The following PTPRN2 variants were observed in gnomAD, a reference collection of about 807,000 sequenced individuals.
The protein encoded by PTPRN2 is protein tyrosine phosphatase receptor type N2.
PTPRN2 carries 74 observed loss-of-function variants against 118.8 expected under a neutral mutation model. The observed-to-expected ratio is 0.62, with a 90% CI of 0.52 to 0.76. PTPRN2 has a LOEUF of 0.76. Among genes scored for constraint, PTPRN2 ranks in the 30% least tolerant of loss-of-function variants. The pLI, the probability that PTPRN2 is intolerant of heterozygous loss-of-function variation, is 0.00. For missense variants in PTPRN2, 1,481 were observed against 1,394.4 expected, an observed-to-expected ratio of 1.06 and a Z score of -0.99; for synonymous variants, 641 against 608.0, an observed-to-expected ratio of 1.05 and a Z score of -0.80.
At chr7:157,792,920 C>T (rs1258200659) in intron 12 of PTPRN2, among the ~76,000 whole-genome samples, 11 of 152,200 alleles carry the variant, frequency 7.2e-5, no homozygotes, top group African/African-American at 2.4e-4. Context: ...CTCCCAGGGC[C>T]GCGGGTGCCG....
Position 158,505,149 on chromosome 7 carries a change from C to T in PTPRN2, c.113-15364G>A, listed in dbSNP as rs181851205. Among the ~76,000 whole-genome samples the T allele has an allele frequency of 3.0e-4, 45 of 152,306 alleles. 1 individual carries two copies. The highest frequency in any genetic ancestry group is 2.0e-4 in the Admixed American group (3 of 15,294). On this transcript the variant is annotated intron_variant, in intron 1 of 22. Transcript: ENST00000389418. ...CATCGCATCATAAATCACTCAGGGA[C>T]CTGCCTCTTTTTTCCCACTATATCA...
intron 22 of PTPRN2, among the ~76,000 whole-genome samples, chr7:157,541,413 C>A (rs1048786950): frequency 6.6e-6 from 1 of 152,260 alleles, no homozygotes; most frequent in African/African-American, 2.4e-5. Flanking sequence ...AGGGGCACCC[C>A]TCCCTCCACG....
intron 2 of PTPRN2, among the ~76,000 whole-genome samples, chr7:158,342,342 C>G (rs1300379502): frequency 6.9e-6 from 1 of 144,500 alleles, no homozygotes; most frequent in African/African-American, 2.7e-5. Flanking sequence ...GAGCTGACAC[C>G]TGCAGACGTC....
At chr7:158,250,462 A>AT (rs1315318956) in intron 3 of PTPRN2, among the ~76,000 whole-genome samples, 2 of 152,132 alleles carry the variant, frequency 1.3e-5, no homozygotes, top group Non-Finnish European at 2.9e-5. Flanking sequence ...CCCCATCCTC[A>AT]TCCCCTCTCC....
At chr7:158,289,013 T>C (rs762329649) in intron 3 of PTPRN2, among the ~76,000 whole-genome samples, 12 of 152,176 alleles carry the variant, frequency 7.9e-5, no homozygotes, top group Non-Finnish European at 1.8e-4. Flanking sequence ...CTCTTGCCTA[T>C]AGGGTTTCTG....
At chr7:158,069,059 C>T (rs920954475) in intron 11 of PTPRN2, among the ~76,000 whole-genome samples, 2 of 152,190 alleles carry the variant, frequency 1.3e-5, no homozygotes, top group Non-Finnish European at 2.9e-5. Flanking sequence ...TACGAATCAT[C>T]GCATCTCGTT....
intron 12 of PTPRN2, among the ~76,000 whole-genome samples, chr7:157,853,889 C>T (rs1410434573): frequency 6.6e-6 from 1 of 152,180 alleles, no homozygotes; most frequent in East Asian, 1.9e-4. Flanking sequence ...CCTAATCCAA[C>T]AAGACGGGGG....
At chr7:157,771,945 A>G (rs1222320157) in intron 12 of PTPRN2, among the ~76,000 whole-genome samples, 1 of 139,572 alleles carries the variant, frequency 7.2e-6, no homozygotes, top group African/African-American at 3.0e-5. Context: ...GACACATACA[A>G]AGACACACAT....
At position 158,330,008 on chromosome 7, in the gene PTPRN2, C is replaced by A. The variant is rs377563841; in HGVS notation, c.164-13076G>T. On this transcript the variant is annotated intron_variant, in intron 2 of 22. Transcript: ENST00000389418. Reference sequence around the variant, plus strand: ...AGCTCACGCCCGCAGACGACACTCACACCCACACTCTCACCATAAGAGGTG... The same window carrying A: ...AGCTCACGCCCGCAGACGACACTCAAACCCACACTCTCACCATAAGAGGTG... 2.6e-5 allele frequency among the ~76,000 whole-genome samples: 4 copies of A among 151,508 alleles called. 1 individual carries two copies. In the South Asian group the frequency reaches 6.3e-4, roughly 24 times the overall value.
At chr7:158,241,510 T>G (rs1047587177) in intron 3 of PTPRN2, among the ~76,000 whole-genome samples, 2 of 151,960 alleles carry the variant, frequency 1.3e-5, no homozygotes, top group African/African-American at 4.8e-5. Context: ...TAAGACTCTA[T>G]CTCAAAAAAA....
At chr7:158,293,904 T>C (rs1351473277) in intron 3 of PTPRN2, among the ~76,000 whole-genome samples, 2 of 152,220 alleles carry the variant, frequency 1.3e-5, no homozygotes, top group Non-Finnish European at 2.9e-5. Context: ...TCATCTCCTA[T>C]GAGAAGAATG....
At chr7:157,924,760 T>C (rs114996577) in intron 11 of PTPRN2, among the ~76,000 whole-genome samples, 1 of 152,278 alleles carries the variant, frequency 6.6e-6, no homozygotes, top group East Asian at 1.9e-4. Flanking sequence ...ATGACTGAGA[T>C]GCACAGTTCT....
chr7:157,596,343 T>A lies in PTPRN2; in HGVS notation c.2419-1028A>T, dbSNP rs1801340365. 6.6e-6 allele frequency among the ~76,000 whole-genome samples: 1 copy of A among 152,088 alleles called. No individual in the cohort carries two copies. Among genetic ancestry groups the A allele is most frequent in the Admixed American group, 6.5e-5 (1 of 15,284 alleles). On this transcript the variant is annotated intron_variant, in intron 16 of 22. Coordinates refer to ENST00000389418, the MANE Select transcript of PTPRN2 (RefSeq NM_002847.5). The surrounding 1 kb of genome is among the most constrained non-coding windows in gnomAD (Gnocchi z 4.2). ...GCTGGGAGTGGCCTCCTGTTCTGTT[T>A]CCCCACCAGGCAGGGACCAGAAACA... is the stretch of plus-strand genomic sequence containing the variant.
rs547693194 is a variant in PTPRN2 at position 157,657,226 on chromosome 7, CCA to C, written c.2002-677_2002-676del. On this transcript the variant is annotated intron_variant, in intron 13 of 22. Transcript: ENST00000389418. The stretch of plus-strand genomic sequence containing the variant: ...CATCACACATATACACACACATACG[CCA>C]CACACACACACCACACACATCACAC... Among the ~76,000 whole-genome samples, 66 of 97,850 alleles carry C rather than the reference CCA, an allele frequency of 6.7e-4. 2 individuals are homozygous for C. Among genetic ancestry groups the C allele is most frequent in the African/African-American group, 1.2e-3 (29 of 25,016 alleles). The allele number at this position is 97,850 out of a possible 152,430, so 64.2% of individuals were successfully genotyped here. A position where few individuals can be genotyped will look rare whatever the true frequency, so the allele number is the denominator to read the frequency against.
chr7:157,996,569 C>A (rs1294741831), intron 11 of PTPRN2, among the ~76,000 whole-genome samples: 1 of 152,244 alleles, frequency 6.6e-6, no homozygotes, highest in African/African-American at 2.4e-5. Context: ...GGGGCTCCCA[C>A]CACCCCGAGG....
At chr7:158,261,267 CT>C (rs1278426772) in intron 3 of PTPRN2, among the ~76,000 whole-genome samples, 1 of 152,110 alleles carries the variant, frequency 6.6e-6, no homozygotes, top group East Asian at 1.9e-4. Flanking sequence ...CGGGAAGAAG[CT>C]CCCGGAAAGA....
intron 3 of PTPRN2, among the ~76,000 whole-genome samples, chr7:158,222,151 G>A (rs111232532): frequency 0.12 from 18,000 of 152,196 alleles, 1,309 homozygotes; most frequent in Non-Finnish European, 0.16. Flanking sequence ...TTCAGCTGGT[G>A]TAGAAAGCAG....
intron 3 of PTPRN2, among the ~76,000 whole-genome samples, chr7:158,271,099 G>GGGCCT (rs1798482764): frequency 1.2e-5 from 1 of 84,168 alleles, no homozygotes. Context: ...CACCTGGGCT[G>GGGCCT]CCCCCTCCAC....
chr7:158,419,779 C>T (rs116812707), intron 2 of PTPRN2, among the ~76,000 whole-genome samples: 3,500 of 152,254 alleles, frequency 0.023, 115 homozygotes, highest in African/African-American at 0.079. Context: ...GAAGCTCACA[C>T]GTGATGTCTG....
Sources: gnomAD v4.1 joint callset for allele counts (sites outside exome capture counted in the v4.1 genomes callset) on GRCh38, gnomAD v4.1.1 for gene constraint, Gnocchi (gnomAD v3.1) non-coding constraint, MANE v1.5 for transcripts, NCBI Gene and HGNC (gene_info 2026-07-23, HGNC 2026-07-21) for gene names.